RPTOR: variants seen among roughly 807,000 people sequenced by gnomAD.
The protein encoded by RPTOR is regulatory associated protein of MTOR complex 1.
Under a neutral mutation model 169.9 loss-of-function variants are expected in RPTOR, and 21 were observed. That is an observed-to-expected ratio of 0.12 (90% CI 0.09 to 0.18). RPTOR has a LOEUF of 0.18. Ranked by LOEUF, RPTOR falls within the 10% of genes least tolerant of loss-of-function variation. The pLI, the probability that RPTOR is intolerant of heterozygous loss-of-function variation, is 1.00. For synonymous variants in RPTOR, 732 were observed against 753.2 expected, an observed-to-expected ratio of 0.97 and a Z score of 0.46; for missense variants, 1,133 against 1,855.9, an observed-to-expected ratio of 0.61 and a Z score of 7.16.
chr17:80,588,939 C>G (rs1275744050), intron 1 of RPTOR, among the ~76,000 whole-genome samples: 2 of 152,148 alleles, frequency 1.3e-5, no homozygotes, highest in Admixed American at 6.5e-5. Context: ...AGTGCTTTCC[C>G]TGTGTTTTAT....
intron 21 of RPTOR, among the ~76,000 whole-genome samples, chr17:80,920,654 A>T (rs550273515): frequency 3.3e-5 from 5 of 152,184 alleles, no homozygotes; most frequent in Non-Finnish European, 7.3e-5. Context: ...GCTCAGCGTG[A>T]CGTCCCAGGG....
Position 80,845,682 on chromosome 17 carries a change from C to T in RPTOR, c.1213-791C>T, listed in dbSNP as rs1001341510. On this transcript the variant is annotated intron_variant, in intron 10 of 33. Transcript: ENST00000306801. The surrounding 1 kb of genome is among the most constrained non-coding windows in gnomAD (Gnocchi z 5.4). ...GCGTCCTGTCCCCATTACTCCACAT[C>T]TACAAAAAGCACTTCCTGACCCTAC... Among the ~76,000 whole-genome samples the T allele has an allele frequency of 1.3e-4, 20 of 152,148 alleles. No individual in the cohort carries two copies. The highest frequency in any genetic ancestry group is 7.2e-4 in the Admixed American group (11 of 15,278).
intron 7 of RPTOR, among the ~76,000 whole-genome samples, chr17:80,812,601 G>C (rs1410003880): frequency 6.6e-6 from 1 of 152,118 alleles, no homozygotes; most frequent in East Asian, 1.9e-4. Context: ...TTTTGGAGTT[G>C]CCAGATGCTT....
chr17:80,606,891 G>A (rs1308055392), intron 1 of RPTOR, among the ~76,000 whole-genome samples: 2 of 152,136 alleles, frequency 1.3e-5, no homozygotes, highest in Non-Finnish European at 2.9e-5. Flanking sequence ...CAATCAGCAG[G>A]CAATGAATCG....
intron 5 of RPTOR, among the ~76,000 whole-genome samples, chr17:80,748,725 G>A (rs1265211829): frequency 1.8e-4 from 11 of 62,110 alleles, no homozygotes; most frequent in East Asian, 5.7e-4. Context: ...GGATGGAGGG[G>A]CTGCGGTGTG....
chr17:80,706,772 A>G (rs547290639), intron 3 of RPTOR, among the ~76,000 whole-genome samples: 3 of 152,226 alleles, frequency 2.0e-5, no homozygotes, highest in African/African-American at 7.2e-5. Context: ...TCCTTGGGGT[A>G]TTTACTGGGA....
intron 6 of RPTOR, among the ~76,000 whole-genome samples, chr17:80,765,276 T>G (rs1056628592): frequency 6.6e-6 from 1 of 152,168 alleles, no homozygotes; most frequent in African/African-American, 2.4e-5. Context: ...CTCTCAGTTC[T>G]TCTTTTCAGA....
chr17:80,805,370 C>G (rs113943264), intron 7 of RPTOR: 2 of 152,342 alleles, frequency 1.3e-5, no homozygotes, highest in African/African-American at 4.8e-5. Context: ...CTGGAGACAG[C>G]CTGGAGGCGG....
At chr17:80,743,677 C>T (rs1373665797) in intron 5 of RPTOR, among the ~76,000 whole-genome samples, 1 of 135,538 alleles carries the variant, frequency 7.4e-6, no homozygotes, top group South Asian at 2.4e-4. Context: ...GAGGGCACAG[C>T]CCTGGCTACT....
At position 80,755,738 on chromosome 17, in the gene RPTOR, CA is replaced by C. The variant is rs77078803; in HGVS notation, c.830+1573del. On this transcript the variant is annotated intron_variant, in intron 6 of 33. Transcript: ENST00000306801. ...TGGGTGACGGAGCAAGACCCTGTCT[CA>C]AAAAAAAAAAAAAAAAAAAGAAACA... 5.0e-3 allele frequency among the ~76,000 whole-genome samples: 402 copies of C among 80,242 alleles called. 2 individuals are homozygous for C. The highest frequency in any genetic ancestry group is 8.1e-3 in the African/African-American group (155 of 19,144). The allele number at this position is 80,242 out of a possible 152,430, so 52.6% of individuals were successfully genotyped here.
intron 1 of RPTOR, among the ~76,000 whole-genome samples, chr17:80,597,518 T>C (rs965263243): frequency 6.6e-6 from 1 of 152,128 alleles, no homozygotes; most frequent in African/African-American, 2.4e-5. Context: ...GTTTTCTCTT[T>C]TCTTTTTCTT....
At chr17:80,668,447 G>A (rs1017836495) in intron 3 of RPTOR, among the ~76,000 whole-genome samples, 5 of 152,138 alleles carry the variant, frequency 3.3e-5, no homozygotes, top group Admixed American at 1.3e-4. Context: ...AGGTCTTCGC[G>A]CCCTGTCCCC....
At chr17:80,675,787 T>C (rs1346547364) in intron 3 of RPTOR, among the ~76,000 whole-genome samples, 1 of 152,220 alleles carries the variant, frequency 6.6e-6, no homozygotes, top group African/African-American at 2.4e-5. Flanking sequence ...CCTGCCTGCT[T>C]GTCTGCCCCC....
At chr17:80,849,416 C>G (rs2067769292) in intron 11 of RPTOR, among the ~76,000 whole-genome samples, 2 of 152,312 alleles carry the variant, frequency 1.3e-5, no homozygotes, top group East Asian at 3.9e-4. Context: ...TCCTGCTTTC[C>G]AGCCTCAATA....
chr17:80,810,116 A>G (rs1043469201), intron 7 of RPTOR, among the ~76,000 whole-genome samples: 1 of 151,974 alleles, frequency 6.6e-6, no homozygotes, highest in African/African-American at 2.4e-5. Context: ...GAAGAACAGA[A>G]GTTTTTCATT....
intron 6 of RPTOR, among the ~76,000 whole-genome samples, chr17:80,782,700 G>T (rs1016935154): frequency 1.3e-5 from 2 of 152,190 alleles, no homozygotes; most frequent in African/African-American, 4.8e-5. Flanking sequence ...CACGGGGTGA[G>T]AGGACCAGAG....
intron 7 of RPTOR, chr17:80,802,603 AAAG>A (rs2067172566): frequency 6.6e-6 from 1 of 152,470 alleles, no homozygotes. Flanking sequence ...AAAAAAAAAA[AAAG>A]AAAAGGAAAA....
chr17:80,856,920 G>A (rs915456435), intron 12 of RPTOR, among the ~76,000 whole-genome samples: 1 of 152,200 alleles, frequency 6.6e-6, no homozygotes, highest in African/African-American at 2.4e-5. Context: ...TGAGGGCCCA[G>A]CCACCCGAAC....
intron 3 of RPTOR, among the ~76,000 whole-genome samples, chr17:80,653,734 G>A (rs2065658547): frequency 6.6e-6 from 1 of 152,206 alleles, no homozygotes; most frequent in African/African-American, 2.4e-5. Context: ...GCTGCAGGAC[G>A]TTCCTTCCCC....
Sources: allele counts gnomAD v4.1 joint callset (sites outside exome capture counted in the v4.1 genomes callset), GRCh38; gene constraint gnomAD v4.1.1; non-coding constraint Gnocchi (gnomAD v3.1); transcripts MANE v1.5; gene names NCBI Gene and HGNC (gene_info 2026-07-23, HGNC 2026-07-21).